The following ASIC2 variants were observed in gnomAD, a reference collection of about 807,000 sequenced individuals.
ASIC2 encodes the protein acid-sensing ion channel 2.
A neutral mutation model predicts 57.3 loss-of-function variants in ASIC2; 25 were observed. The ratio of observed to expected loss-of-function variants is 0.44; its 90% CI spans 0.32 to 0.61. The LOEUF is 0.61. Among genes scored for constraint, ASIC2 ranks in the 20% least tolerant of loss-of-function variants. The pLI, the probability that ASIC2 is intolerant of heterozygous loss-of-function variation, is 0.06. For synonymous variants in ASIC2, 319 were observed against 307.5 expected (o/e 1.04, Z -0.39); for missense variants, 641 against 738.1 (o/e 0.87, Z 1.52).
chr17:34,016,877 G>T (rs561599327), intron 1 of ASIC2, among the ~76,000 whole-genome samples: 7 of 152,186 alleles, frequency 4.6e-5, no homozygotes, highest in Non-Finnish European at 8.8e-5. Context: ...AATTTACAAA[G>T]CCTAAGATAT....
intron 1 of ASIC2, among the ~76,000 whole-genome samples, chr17:33,390,172 G>A (rs1034099887): frequency 6.6e-6 from 1 of 152,042 alleles, no homozygotes. Context: ...AATTAGCCAG[G>A]TGTGGTGGCA....
chr17:33,924,519 G>A (rs1243428193), intron 1 of ASIC2, among the ~76,000 whole-genome samples: 1 of 152,194 alleles, frequency 6.6e-6, no homozygotes, highest in Non-Finnish European at 1.5e-5. Context: ...CTTTAACTGG[G>A]AGCCTCTCTA....
chr17:33,155,578 T>TA (rs398030677), intron 1 of ASIC2, among the ~76,000 whole-genome samples: 2 of 149,064 alleles, frequency 1.3e-5, no homozygotes, highest in Non-Finnish European at 3.0e-5. Context: ...TTTTTTTTTT[T>TA]GAGACGATGT....
chr17:33,605,155 C>T (rs35371014), intron 1 of ASIC2, among the ~76,000 whole-genome samples: 10,511 of 152,204 alleles, frequency 0.069, 1,092 homozygotes, highest in African/African-American at 0.22. Flanking sequence ...TTGCACAGAT[C>T]TAATCCATAT....
At chr17:33,528,470 A>G (rs1914954858) in intron 1 of ASIC2, among the ~76,000 whole-genome samples, 1 of 152,184 alleles carries the variant, frequency 6.6e-6, no homozygotes. Context: ...AATTTTCGAC[A>G]TAATTTCCCC....
chr17:33,615,272 A>G (rs1597808190), intron 1 of ASIC2, among the ~76,000 whole-genome samples: 1 of 152,238 alleles, frequency 6.6e-6, no homozygotes, highest in Non-Finnish European at 1.5e-5. Flanking sequence ...AAAAATTGTG[A>G]TAACTTGTAT....
intron 1 of ASIC2, among the ~76,000 whole-genome samples, chr17:33,263,549 T>C (rs532699354): frequency 2.0e-5 from 3 of 152,336 alleles, no homozygotes; most frequent in South Asian, 2.1e-4. Context: ...TGACAAACCC[T>C]GACTTTGACC....
At chr17:33,178,829 A>C (rs992279951) in intron 1 of ASIC2, among the ~76,000 whole-genome samples, 4 of 152,230 alleles carry the variant, frequency 2.6e-5, no homozygotes, top group Non-Finnish European at 4.4e-5. Context: ...GAGCTGGCTT[A>C]CTGCCAAATA....
At chr17:33,260,712 C>T (rs558155548) in intron 1 of ASIC2, among the ~76,000 whole-genome samples, 1 of 152,344 alleles carries the variant, frequency 6.6e-6, no homozygotes, top group African/African-American at 2.4e-5. Context: ...CACCTCTCTC[C>T]AACCCAGTGC....
intron 1 of ASIC2, among the ~76,000 whole-genome samples, chr17:33,432,903 C>T (rs1294442351): frequency 6.6e-6 from 1 of 152,164 alleles, no homozygotes; most frequent in East Asian, 1.9e-4. Flanking sequence ...CAAAAAATAA[C>T]TGATGTTGGC....
chr17:33,274,523 G>A (rs1337748693), intron 1 of ASIC2, among the ~76,000 whole-genome samples: 4 of 152,182 alleles, frequency 2.6e-5, no homozygotes, highest in Non-Finnish European at 5.9e-5. Flanking sequence ...GGAAACACAT[G>A]ACCCTGGACC....
intron 1 of ASIC2, among the ~76,000 whole-genome samples, chr17:33,211,157 G>T (rs1312880215): frequency 6.6e-6 from 1 of 152,162 alleles, no homozygotes; most frequent in African/African-American, 2.4e-5. Context: ...GATAGCATGT[G>T]TGACAGCGCA....
intron 1 of ASIC2, among the ~76,000 whole-genome samples, chr17:33,396,489 CA>C: frequency 6.6e-6 from 1 of 152,258 alleles, no homozygotes; most frequent in East Asian, 1.9e-4. Flanking sequence ...AACTGAGGCT[CA>C]AATAAATTAA....
chr17:33,972,910 C>G (rs577567446), intron 1 of ASIC2, among the ~76,000 whole-genome samples: 4 of 152,354 alleles, frequency 2.6e-5, no homozygotes, highest in Non-Finnish European at 5.9e-5. Flanking sequence ...CTTCCTCCCT[C>G]TCTGGGTCAC....
intron 1 of ASIC2, among the ~76,000 whole-genome samples, chr17:33,308,663 CAA>C (rs575588509): frequency 6.8e-4 from 104 of 152,136 alleles, no homozygotes; most frequent in South Asian, 1.0e-3. Context: ...GGAGGATAGA[CAA>C]AATAATAGAA....
At chr17:33,047,839 A>T (rs1037807864) in intron 3 of ASIC2, among the ~76,000 whole-genome samples, 1 of 152,196 alleles carries the variant, frequency 6.6e-6, no homozygotes, top group African/African-American at 2.4e-5. Flanking sequence ...CCTAGATGTA[A>T]TCTTGAATGC....
intron 1 of ASIC2, among the ~76,000 whole-genome samples, chr17:33,845,769 GT>G (rs990801378): frequency 5.3e-5 from 8 of 152,118 alleles, no homozygotes; most frequent in Non-Finnish European, 4.4e-5. Flanking sequence ...ATAAAAGCAA[GT>G]GAATATCTTA....
intron 1 of ASIC2, chr17:34,003,470 G>C (rs1906413948): frequency 6.6e-6 from 1 of 152,014 alleles, no homozygotes; most frequent in Admixed American, 6.5e-5. Context: ...GAATCAAAGA[G>C]ATTTCATTTT....
At chr17:33,806,366 G>T (rs1912268413) in intron 1 of ASIC2, among the ~76,000 whole-genome samples, 1 of 152,164 alleles carries the variant, frequency 6.6e-6, no homozygotes, top group African/African-American at 2.4e-5. Context: ...TTCTTCTTTT[G>T]ATTGGTTTTC....
Sources: allele counts gnomAD v4.1 joint callset (sites outside exome capture counted in the v4.1 genomes callset), GRCh38; gene constraint gnomAD v4.1.1; transcripts MANE v1.5; gene names NCBI Gene and HGNC (gene_info 2026-07-23, HGNC 2026-07-21).